SLX4IP: variants seen among roughly 807,000 people sequenced by gnomAD.
The protein encoded by SLX4IP is protein SLX4IP.
Under a neutral mutation model 32.9 loss-of-function variants are expected in SLX4IP, and 34 were observed. The observed-to-expected ratio is 1.03, with a 90% confidence interval of 0.79 to 1.38. SLX4IP has a LOEUF of 1.38. Ranked by LOEUF, SLX4IP falls within the 40% of genes most tolerant of loss-of-function variation. The pLI, the probability that SLX4IP is intolerant of heterozygous loss-of-function variation, is 0.00. For missense variants in SLX4IP, 444 were observed against 479.0 expected, an observed-to-expected ratio of 0.93 and a Z score of 0.68; for synonymous variants, 172 against 171.7, an observed-to-expected ratio of 1.00 and a Z score of -0.01.
At position 10,625,862 on chromosome 20, in the gene SLX4IP, T is replaced by A. The variant is rs1355363054; in HGVS notation, c.*2483T>A. On this transcript the variant is annotated 3_prime_UTR_variant, in exon 8 of 8. Coordinates refer to ENST00000334534, the MANE Select transcript of SLX4IP (RefSeq NM_001009608.3). ...TGCACATGGCTGAAACACCCCTGGCTCTCTTGTTATTTGAGTGGTTGCATG... is the reference window on the plus strand; with the variant it reads ...TGCACATGGCTGAAACACCCCTGGCACTCTTGTTATTTGAGTGGTTGCATG... 2 of 152,140 alleles carry A rather than the reference T, an allele frequency of 1.3e-5. No homozygotes were observed. Among genetic ancestry groups the A allele is most frequent in the Non-Finnish European group, 2.9e-5 (2 of 68,018 alleles). The allele number at this position is 152,140 out of a possible 1,614,324, so 9.4% of individuals were successfully genotyped here. A position where few individuals can be genotyped will look rare whatever the true frequency, so the allele number is the denominator to read the frequency against.
intron 4 of SLX4IP, among the ~76,000 whole-genome samples, chr20:10,580,538 A>C: frequency 7.3e-6 from 1 of 136,114 alleles, no homozygotes. Context: ...GCCTATGCCT[A>C]CCTTTGTTGC....
chr20:10,606,573 GTTTTCATA>G (rs1230682351), intron 6 of SLX4IP, among the ~76,000 whole-genome samples: 10 of 152,124 alleles, frequency 6.6e-5, no homozygotes, highest in Non-Finnish European at 1.3e-4. Flanking sequence ...GAGAGAGGCT[GTTTTCATA>G]TTTCACATTT....
At chr20:10,574,962 C>A (rs146861330) in intron 4 of SLX4IP, among the ~76,000 whole-genome samples, 3 of 152,038 alleles carry the variant, frequency 2.0e-5, no homozygotes, top group Non-Finnish European at 2.9e-5. Flanking sequence ...CGTGAGCCAC[C>A]GTGCCTGACC....
At chr20:10,519,802 G>T (rs187957117) in intron 2 of SLX4IP, among the ~76,000 whole-genome samples, 1 of 152,312 alleles carries the variant, frequency 6.6e-6, no homozygotes, top group East Asian at 1.9e-4. Flanking sequence ...CTGCCAAACT[G>T]TTTTCAAAGT....
intron 2 of SLX4IP, among the ~76,000 whole-genome samples, chr20:10,508,259 A>G (rs1044360675): frequency 2.0e-5 from 3 of 152,206 alleles, no homozygotes; most frequent in African/African-American, 4.8e-5. Flanking sequence ...GGCTTAACAC[A>G]GTGCTAGGCA....
intron 2 of SLX4IP, among the ~76,000 whole-genome samples, chr20:10,479,360 T>TTTTC (rs1568700690): frequency 3.3e-5 from 5 of 149,620 alleles, no homozygotes; most frequent in Admixed American, 1.3e-4. Context: ...TTCTTTTTTT[T>TTTTC]TTTTTTTTTT....
chr20:10,464,014 T>A (rs1037042027), intron 2 of SLX4IP, among the ~76,000 whole-genome samples: 2 of 152,168 alleles, frequency 1.3e-5, no homozygotes, highest in African/African-American at 4.8e-5. Context: ...ATTTTCCACA[T>A]AAAGTATATA....
intron 2 of SLX4IP, among the ~76,000 whole-genome samples, chr20:10,518,428 C>T (rs1198290756): frequency 0.021 from 1,636 of 77,452 alleles, 77 homozygotes; most frequent in Non-Finnish European, 0.031. Flanking sequence ...TCCTTCCCTC[C>T]CTCCCTCCTT....
chr20:10,542,175 A>G (rs892342508), intron 2 of SLX4IP, among the ~76,000 whole-genome samples: 1 of 152,138 alleles, frequency 6.6e-6, no homozygotes, highest in South Asian at 2.1e-4. Flanking sequence ...TAACAGTGCA[A>G]TATTTATTCA....
At chr20:10,505,708 C>A (rs886120909) in intron 2 of SLX4IP, among the ~76,000 whole-genome samples, 1 of 152,114 alleles carries the variant, frequency 6.6e-6, no homozygotes, top group Non-Finnish European at 1.5e-5. Flanking sequence ...TGGCCAAAGA[C>A]CTTGTGAGCT....
chr20:10,604,709 G>T (rs1254392341), intron 6 of SLX4IP, among the ~76,000 whole-genome samples: 3 of 152,242 alleles, frequency 2.0e-5, no homozygotes, highest in Non-Finnish European at 2.9e-5. Flanking sequence ...GGACTTTGGT[G>T]CAGGGAGATC....
At chr20:10,483,084 A>C (rs1682802587) in intron 2 of SLX4IP, among the ~76,000 whole-genome samples, 1 of 152,178 alleles carries the variant, frequency 6.6e-6, no homozygotes. Flanking sequence ...ATATATCACC[A>C]CAGATAAAAT....
At chr20:10,507,975 T>TAC (rs2065773666) in intron 2 of SLX4IP, among the ~76,000 whole-genome samples, 1 of 151,876 alleles carries the variant, frequency 6.6e-6, no homozygotes, top group South Asian at 2.1e-4. Flanking sequence ...GATATATATA[T>TAC]ACACACATTT....
intron 4 of SLX4IP, among the ~76,000 whole-genome samples, chr20:10,573,131 C>T (rs2066485433): frequency 6.6e-6 from 1 of 152,232 alleles, no homozygotes; most frequent in South Asian, 2.1e-4. Flanking sequence ...CCCGGCATCC[C>T]CGCGAGTGCA....
intron 2 of SLX4IP, among the ~76,000 whole-genome samples, chr20:10,474,643 C>T (rs920141061): frequency 7.2e-5 from 11 of 152,242 alleles, no homozygotes; most frequent in Admixed American, 2.0e-4. Context: ...GCCTTGGGGG[C>T]CTGGGCTGGG....
rs1481346845 is a variant in SLX4IP, at chr20:10,520,240, T to C, written c.28-35991T>C. 2.6e-5 allele frequency among the ~76,000 whole-genome samples: 4 copies of C among 151,978 alleles called. No individual in the cohort carries two copies. In the East Asian group the frequency reaches 5.8e-4, roughly 22 times the overall value. On this transcript the variant is annotated intron_variant, in intron 2 of 7. Coordinates refer to ENST00000334534, the MANE Select transcript of SLX4IP (RefSeq NM_001009608.3). Reference sequence around the variant, plus strand: ...TAATTTTTTGTATTTTTAGTAGAGATGGGGTTTCACCGTGTTAGCCAGGAT... The same window carrying C: ...TAATTTTTTGTATTTTTAGTAGAGACGGGGTTTCACCGTGTTAGCCAGGAT...
chr20:10,562,431 C>T (rs945149942), intron 4 of SLX4IP, among the ~76,000 whole-genome samples: 7 of 152,074 alleles, frequency 4.6e-5, no homozygotes, highest in Admixed American at 2.0e-4. Context: ...CATGGCCTGC[C>T]GGAATCTGCT....
intron 1 of SLX4IP, among the ~76,000 whole-genome samples, chr20:10,444,096 C>A (rs2065180656): frequency 6.6e-6 from 1 of 152,000 alleles, no homozygotes; most frequent in South Asian, 2.1e-4. Flanking sequence ...TGGGAAATCC[C>A]AGTGAAGAGT....
chr20:10,621,028 A>G (rs1354825500), intron 6 of SLX4IP, among the ~76,000 whole-genome samples: 2 of 152,164 alleles, frequency 1.3e-5, no homozygotes, highest in Non-Finnish European at 2.9e-5. Context: ...CAGATACCAG[A>G]TATTGGCCAA....
Sources: gnomAD v4.1 joint callset for allele counts (sites outside exome capture counted in the v4.1 genomes callset) on GRCh38, gnomAD v4.1.1 for gene constraint, MANE v1.5 for transcripts, NCBI Gene and HGNC (gene_info 2026-07-23, HGNC 2026-07-21) for gene names.